The following CDK9 variants were observed in gnomAD, a reference collection of about 807,000 sequenced individuals.
CDK9 encodes the protein cyclin dependent kinase 9, also known as cyclin-dependent kinase 9.
A neutral mutation model predicts 39.0 loss-of-function variants in CDK9; 34 were observed. The observed-to-expected ratio is 0.87, with a 90% CI of 0.66 to 1.16. CDK9 has a LOEUF of 1.16. Among genes scored for constraint, CDK9 ranks in the 50% most tolerant of loss-of-function variants. CDK9 has a pLI of 0.00. For synonymous variants in CDK9, 233 were observed against 196.2 expected, an observed-to-expected ratio of 1.19 and a Z score of -1.57; for missense variants, 369 against 503.2, an observed-to-expected ratio of 0.73 and a Z score of 2.55.
Position 127,788,202 on chromosome 9 carries a change from C to T in CDK9, c.433-12C>T, listed in dbSNP as rs1588538554. On this transcript the variant is annotated splice_polypyrimidine_tract_variant and intron_variant, in intron 4 of 6. Coordinates refer to ENST00000373264, the MANE Select transcript of CDK9 (RefSeq NM_001261.4). Reference sequence around the variant, plus strand: ...GATGTCACTAAAGGACCCACTCTTGCCCTTCCTGCAGATCCTGCATAGGGA... The same window carrying T: ...GATGTCACTAAAGGACCCACTCTTGTCCTTCCTGCAGATCCTGCATAGGGA... 4 of 1,613,780 alleles carry T rather than the reference C, an allele frequency of 2.5e-6. No homozygotes were observed. The highest frequency in any genetic ancestry group is 1.7e-5 in the Admixed American group (1 of 60,008).
intron 3 of CDK9, 40 bp downstream of exon 3, chr9:127,787,648 C>G: frequency 1.4e-6 from 2 of 1,450,742 alleles, no homozygotes; most frequent in African/African-American, 2.8e-5. Flanking sequence ...ACACTTGTAG[C>G]CTAAGGTTTT....
chr9:127,787,710 T>C (rs1231430388), intron 3 of CDK9, 102 bp downstream of exon 3: 3 of 949,260 alleles, frequency 3.2e-6, no homozygotes, highest in Non-Finnish European at 5.1e-6. Context: ...TTAACTCAGA[T>C]GGACCCATGG....
chr9:127,788,773 G>A (rs756944552), intron 6 of CDK9, 81 bp downstream of exon 6: 273 of 1,382,686 alleles, frequency 2.0e-4, no homozygotes, highest in Non-Finnish European at 2.5e-4. Flanking sequence ...TGGAAGGAGC[G>A]CTCCTCTCTG....
chr9:127,786,574 G>T, intron 1 of CDK9, 127 bp from the exon 2 acceptor site: 2 of 790,654 alleles, frequency 2.5e-6, no homozygotes, highest in Non-Finnish European at 2.0e-6. Flanking sequence ...GTAGCCGCGT[G>T]CCCTGGGTAC....
chr9:127,789,526 T>G lies in CDK9; in HGVS notation c.1102T>G (p.Phe368Val). 1 of 1,613,744 alleles carries G rather than the reference T, an allele frequency of 6.2e-7. No individual in the cohort carries two copies. The highest frequency in any genetic ancestry group is 8.5e-7 in the Non-Finnish European group (1 of 1,179,766). The change falls in exon 7 of 7, where the codon TTT becomes GTT. Residue 368 changes from phenylalanine (F) to valine (V), a missense_variant. By Grantham distance (50) the Phe-to-Val change is conservative. Transcript: ENST00000373264. The surrounding 1 kb of genome is among the most constrained non-coding windows in gnomAD (Gnocchi z 5.2). ...TCCCGCCACCACCAACCAGACGGAG[T>G]TTGAGCGCGTCTTCTGAGGGCCGGC... ...RNPATTNQTE[F>V]ERVF
In CDK9 at chr9:127,786,144, C is replaced by A. The variant is rs753542894; in HGVS notation, c.-5C>A. The A allele has an allele frequency of 1.3e-6, 2 of 1,592,012 alleles. No individual in the cohort carries two copies. Among genetic ancestry groups the A allele is most frequent in the Non-Finnish European group, 1.7e-6 (2 of 1,170,436 alleles). On this transcript the variant is annotated 5_prime_UTR_variant, in exon 1 of 7. Transcript: ENST00000373264. ...GGGGGCGGCGGCGGCGCGTTGGAGG[C>A]GGCCATGGCAAAGCAGTACGACTCG... is the stretch of plus-strand genomic sequence containing the variant.
intron 3 of CDK9, 61 bp from the exon 4 acceptor site, chr9:127,787,886 T>G: frequency 6.4e-7 from 1 of 1,563,914 alleles, no homozygotes; most frequent in Non-Finnish European, 8.8e-7. Context: ...AGAAGCTGGT[T>G]GTGGGAAAGT....
Position 127,786,089 on chromosome 9 carries a change from C to G in CDK9, c.-60C>G, listed in dbSNP as rs765530478. The G allele has an allele frequency of 1.2e-5, 16 of 1,344,804 alleles. No homozygotes were observed. Among genetic ancestry groups the G allele is most frequent in the East Asian group, 8.2e-5 (3 of 36,718 alleles). The allele number at this position is 1,344,804 out of a possible 1,614,324, so 83.3% of individuals were successfully genotyped here. ...GGCCTGGAGTGCGGCGGCGGCGGGA[C>G]CCGGAGCAGGAGCGGCGGCAGCAGC... On this transcript the variant is annotated 5_prime_UTR_variant, in exon 1 of 7. Coordinates refer to ENST00000373264, the MANE Select transcript of CDK9 (RefSeq NM_001261.4).
intron 1 of CDK9, among the ~76,000 whole-genome samples, chr9:127,786,461 C>T (rs1296452114): frequency 1.3e-5 from 2 of 152,154 alleles, no homozygotes; most frequent in African/African-American, 4.8e-5. Context: ...CAGAGAGGCG[C>T]CCGTGAGGGG....
Position 127,786,800 on chromosome 9 carries a change from G to A in CDK9, c.174+18G>A. On this transcript the variant is annotated intron_variant, in intron 2 of 6. Coordinates refer to ENST00000373264, the MANE Select transcript of CDK9 (RefSeq NM_001261.4). ...AGGAGGGGGTGAGTACGGATCGGGCGTGCGGGCCGGCCGGCTAACTGCCCG... is the reference window on the plus strand; with the variant it reads ...AGGAGGGGGTGAGTACGGATCGGGCATGCGGGCCGGCCGGCTAACTGCCCG... 1 of 1,610,740 alleles carries A rather than the reference G, an allele frequency of 6.2e-7. No individual in the cohort carries two copies. The highest frequency in any genetic ancestry group is 8.5e-7 in the Non-Finnish European group (1 of 1,177,766).
intron 2 of CDK9, 52 bp from the exon 3 acceptor site, chr9:127,787,466 T>A: frequency 3.1e-6 from 4 of 1,290,472 alleles, no homozygotes; most frequent in Non-Finnish European, 4.5e-6. Flanking sequence ...ACCCCAGGGC[T>A]GGGCTCTGTA....
intron 1 of CDK9, 30 bp downstream of exon 1, chr9:127,786,270 C>T: frequency 1.5e-5 from 23 of 1,573,116 alleles, no homozygotes; most frequent in Non-Finnish European, 1.9e-5. Context: ...GGCCGGGAGC[C>T]CTGGGCCTGC....
chr9:127,790,070 A>ATT lies in CDK9; in HGVS notation c.*540_*541dup, dbSNP rs549625098. ...TTGGTCCGTTAGAATTAAAAGTTGA[A>ATT]TTTTTTTTTTTTTTAAATTTTTTTT... On this transcript the variant is annotated 3_prime_UTR_variant, in exon 7 of 7. Transcript: ENST00000373264. The ATT allele has an allele frequency of 1.4e-5, 2 of 143,710 alleles. No individual in the cohort carries two copies. The highest frequency in any genetic ancestry group is 2.0e-4 in the East Asian group (1 of 4,890). The allele number at this position is 143,710 out of a possible 1,614,324, so 8.9% of individuals were successfully genotyped here. A position where few individuals can be genotyped will look rare whatever the true frequency, so the allele number is the denominator to read the frequency against.
Position 127,787,438 on chromosome 9 carries a change from A to C in CDK9, c.175-80A>C, listed in dbSNP as rs558654262. The C allele has an allele frequency of 1.0e-4, 91 of 874,586 alleles. No homozygotes were observed. In the African/African-American group the frequency reaches 1.1e-3, roughly 10 times the overall value. 54.2% of individuals were successfully genotyped at this position (874,586 alleles called of 1,614,324 possible). A position where few individuals can be genotyped will look rare whatever the true frequency, so the allele number is the denominator to read the frequency against. ...GCCCATGATCTTGCTCTGTCTCCCAACTTGGCTGTCAGTACAGACCCCAGG... is the reference window on the plus strand; with the variant it reads ...GCCCATGATCTTGCTCTGTCTCCCACCTTGGCTGTCAGTACAGACCCCAGG... On this transcript the variant is annotated intron_variant, in intron 2 of 6. Transcript: ENST00000373264.
Position 127,786,091 on chromosome 9 carries a change from C to T in CDK9, c.-58C>T, listed in dbSNP as rs763517666. On this transcript the variant is annotated 5_prime_UTR_variant, in exon 1 of 7. Coordinates refer to ENST00000373264, the MANE Select transcript of CDK9 (RefSeq NM_001261.4). ...CCTGGAGTGCGGCGGCGGCGGGACC[C>T]GGAGCAGGAGCGGCGGCAGCAGCGA... 1.5e-6 allele frequency: 2 copies of T among 1,366,012 alleles called. No individual in the cohort carries two copies. Among genetic ancestry groups the T allele is most frequent in the Non-Finnish European group, 2.0e-6 (2 of 987,572 alleles). 84.6% of individuals were successfully genotyped at this position (1,366,012 alleles called of 1,614,324 possible).
chr9:127,788,044 C>A lies in CDK9; in HGVS notation c.363C>A (p.Phe121Leu), dbSNP rs1829362333. The change falls in exon 4 of 7, where the codon TTC (phenylalanine) becomes TTA (leucine). Residue 121 changes from phenylalanine to leucine, a missense_variant. By Grantham distance (22) the Phe-to-Leu change is conservative. Coordinates refer to ENST00000373264, the MANE Select transcript of CDK9 (RefSeq NM_001261.4). ...TGTTGAGCAATGTTTTGGTCAAGTT[C>A]ACGCTGTCTGAGATCAAGAGGGTGA... is the stretch of plus-strand genomic sequence containing the variant. ...AGLLSNVLVK[F>L]TLSEIKRVMQ... is the part of the protein sequence containing the mutation. 6.2e-7 allele frequency: 1 copy of A among 1,614,078 alleles called. No individual in the cohort carries two copies. Among genetic ancestry groups the A allele is most frequent in the African/African-American group, 1.3e-5 (1 of 74,922 alleles).
rs201862836 is a variant in CDK9, at chr9:127,786,693, G to T, written c.93-8G>T. ...GATGAGTTCTCGGGTCTCCCTTTCC[G>T]CCTGCAGGGAGGTGTTCAAGGCCAG... On this transcript the variant is annotated splice_region_variant and splice_polypyrimidine_tract_variant and intron_variant, in intron 1 of 6. Coordinates refer to ENST00000373264, the MANE Select transcript of CDK9 (RefSeq NM_001261.4). 4 of 1,613,110 alleles carry T rather than the reference G, an allele frequency of 2.5e-6. No individual in the cohort carries two copies. Among genetic ancestry groups the T allele is most frequent in the South Asian group, 2.2e-5 (2 of 90,866 alleles).
Position 127,789,234 on chromosome 9 carries a change from C to G in CDK9, c.810C>G (p.Gly270=), listed in dbSNP as rs1459904459. The change falls in exon 7 of 7, where the codon GGC becomes GGG. Residue 270 remains glycine (G), a synonymous_variant. Transcript: ENST00000373264. This position sits in a 1 kb window ranked among gnomAD's most constrained non-coding sequence, Gnocchi z 5.2. ...ELYEKLELVK[G]QKRKVKDRLK... ...ACGAAAAGCTGGAGCTGGTCAAGGGCCAGAAGCGGAAGGTGAAGGACAGGC... is the reference window on the plus strand; with the variant it reads ...ACGAAAAGCTGGAGCTGGTCAAGGGGCAGAAGCGGAAGGTGAAGGACAGGC... 1 of 1,611,206 alleles carries G rather than the reference C, an allele frequency of 6.2e-7. No homozygotes were observed. Among genetic ancestry groups the G allele is most frequent in the South Asian group, 1.1e-5 (1 of 90,892 alleles).
rs148342102 is a variant in CDK9, at chr9:127,788,358, T to A, written c.577T>A (p.Trp193Arg). 39 of 1,612,698 alleles carry A rather than the reference T, an allele frequency of 2.4e-5. No homozygotes were observed. Among genetic ancestry groups the A allele is most frequent in the Non-Finnish European group, 3.1e-5 (37 of 1,179,946 alleles). ...CTACACCAACCGTGTGGTGACACTC[T>A]GGTACCGGCCCCCGGAGCTGTTGCT... ...NRYTNRVVTL[W>R]YRPPELLLGE... Residue 193 changes from tryptophan (W) to arginine (R), a missense_variant, in exon 5 of 7, where the codon TGG becomes AGG. Transcript: ENST00000373264.
Sources: allele counts gnomAD v4.1 joint callset (sites outside exome capture counted in the v4.1 genomes callset), GRCh38; gene constraint gnomAD v4.1.1; non-coding constraint Gnocchi (gnomAD v3.1); transcripts MANE v1.5; gene names NCBI Gene and HGNC (gene_info 2026-07-23, HGNC 2026-07-21).